The following FAM135B variants were observed in gnomAD, a reference collection of about 807,000 sequenced individuals.
The protein encoded by FAM135B is protein FAM135B.
Under a neutral mutation model 127.7 loss-of-function variants are expected in FAM135B, and 43 were observed. That is an observed-to-expected ratio of 0.34 (90% CI 0.26 to 0.43). The LOEUF is 0.43. Among genes scored for constraint, FAM135B ranks in the 20% least tolerant of loss-of-function variants. The pLI is 1.00. For synonymous variants in FAM135B, 670 were observed against 665.1 expected, an observed-to-expected ratio of 1.01 and a Z score of -0.11; for missense variants, 1,558 against 1,725.6, an observed-to-expected ratio of 0.90 and a Z score of 1.72.
Position 138,242,287 on chromosome 8 carries a change from G to A in FAM135B, c.669+655C>T, listed in dbSNP as rs1820867310. On this transcript the variant is annotated intron_variant, in intron 7 of 19. Transcript: ENST00000395297. The surrounding 1 kb of genome is among the most constrained non-coding windows in gnomAD (Gnocchi z 9.6). Reference sequence around the variant, plus strand: ...AATACAGGCTGTTTATTTATGAGTAGGCCACTAATAAAAACATAGCATATA... The same window carrying A: ...AATACAGGCTGTTTATTTATGAGTAAGCCACTAATAAAAACATAGCATATA... 6.7e-6 allele frequency among the ~76,000 whole-genome samples: 1 copy of A among 149,288 alleles called. No individual in the cohort carries two copies. Among genetic ancestry groups the A allele is most frequent in the Admixed American group, 6.8e-5 (1 of 14,766 alleles).
At chr8:138,491,156 A>AAG (rs1815182520) in intron 1 of FAM135B, among the ~76,000 whole-genome samples, 1 of 146,988 alleles carries the variant, frequency 6.8e-6, no homozygotes, top group Admixed American at 6.7e-5. Context: ...AAAAAAAAAA[A>AAG]AAAGAAAGAA....
intron 9 of FAM135B, among the ~76,000 whole-genome samples, chr8:138,193,309 T>G (rs1164250116): frequency 6.6e-6 from 1 of 152,206 alleles, no homozygotes; most frequent in Non-Finnish European, 1.5e-5. Flanking sequence ...AGGCTGAGAA[T>G]CCCTGCTGAT....
intron 1 of FAM135B, among the ~76,000 whole-genome samples, chr8:138,379,008 T>C (rs1831667239): frequency 6.6e-6 from 1 of 152,204 alleles, no homozygotes; most frequent in African/African-American, 2.4e-5. Flanking sequence ...GCCTTTTCCC[T>C]TTCTGCCAGT....
intron 3 of FAM135B, among the ~76,000 whole-genome samples, chr8:138,309,560 T>C (rs1202958175): frequency 6.6e-6 from 1 of 152,214 alleles, no homozygotes; most frequent in Non-Finnish European, 1.5e-5. Context: ...TTCTATCATG[T>C]GGCCTGGGGA....
chr8:138,178,795 T>C (rs1814727802), intron 9 of FAM135B, 105 bp from the exon 10 acceptor site: 1 of 855,122 alleles, frequency 1.2e-6, no homozygotes, highest in African/African-American at 1.7e-5. Context: ...AATAAAGCAC[T>C]CTCCTTTCTC....
chr8:138,364,411 C>T (rs978388991), intron 2 of FAM135B, among the ~76,000 whole-genome samples: 1 of 152,172 alleles, frequency 6.6e-6, no homozygotes, highest in African/African-American at 2.4e-5. Flanking sequence ...AAACAGTGTG[C>T]ATCCACCTGA....
chr8:138,336,380 AG>A (rs1232835658), intron 2 of FAM135B, among the ~76,000 whole-genome samples: 1 of 152,216 alleles, frequency 6.6e-6, no homozygotes, highest in Non-Finnish European at 1.5e-5. Flanking sequence ...AAAGAAGAAA[AG>A]AAAGAAGAAT....
intron 12 of FAM135B, among the ~76,000 whole-genome samples, chr8:138,162,016 G>A (rs7831221): frequency 0.32 from 49,185 of 151,952 alleles, 8,090 homozygotes; most frequent in Middle Eastern, 0.41. Flanking sequence ...GCTCATTATT[G>A]TTTGCATTGG....
At chr8:138,222,690 T>G (rs1434523589) in intron 7 of FAM135B, among the ~76,000 whole-genome samples, 15 of 150,354 alleles carry the variant, frequency 1.0e-4, no homozygotes, top group African/African-American at 2.2e-4. Flanking sequence ...TTTTTTTTTT[T>G]TTTTTTTTTT....
chr8:138,177,478 T>C (rs1322971252), intron 10 of FAM135B, 58 bp from the exon 11 acceptor site: 1 of 1,431,528 alleles, frequency 7.0e-7, no homozygotes, highest in Non-Finnish European at 9.6e-7. Context: ...ACCTGCACTT[T>C]CTTTTTTTTT....
intron 4 of FAM135B, among the ~76,000 whole-genome samples, chr8:138,258,076 C>G (rs992126607): frequency 6.6e-6 from 1 of 152,108 alleles, no homozygotes; most frequent in African/African-American, 2.4e-5. Flanking sequence ...TGTGTAGTGT[C>G]CCCAGTAATC....
chr8:138,478,829 C>G (rs1814638961), intron 1 of FAM135B, among the ~76,000 whole-genome samples: 1 of 152,192 alleles, frequency 6.6e-6, no homozygotes, highest in Non-Finnish European at 1.5e-5. Flanking sequence ...GATAAAACAT[C>G]TCTGCCGGCA....
In FAM135B at chr8:138,177,385, C is replaced by T. The variant is rs748597187; in HGVS notation, c.1065G>A (p.Glu355=). ...ATGTCAGGACTGCAAGTTTTTGGTG[C>T]TCCATGTAAAAGAAGGCCTCAGAAA... ...RRFSEAFFYM[E]HQKLAVLTFQ... is the part of the protein sequence containing the mutation. The change falls in exon 11 of 20, where the codon GAG becomes GAA. Residue 355 remains glutamate (E), a synonymous_variant. Transcript: ENST00000395297. The T allele has an allele frequency of 2.5e-6, 4 of 1,613,450 alleles. No individual in the cohort carries two copies. The highest frequency in any genetic ancestry group is 3.4e-6 in the Non-Finnish European group (4 of 1,179,632).
intron 1 of FAM135B, among the ~76,000 whole-genome samples, chr8:138,483,636 C>T (rs899339381): frequency 6.6e-6 from 1 of 152,012 alleles, no homozygotes; most frequent in African/African-American, 2.4e-5. Context: ...AATAGATGTA[C>T]CAGCTCCCTC....
At chr8:138,349,603 C>A (rs116331011) in intron 2 of FAM135B, among the ~76,000 whole-genome samples, 1 of 151,996 alleles carries the variant, frequency 6.6e-6, no homozygotes, top group East Asian at 1.9e-4. Flanking sequence ...CGGCTGGCCA[C>A]AAATGACATA....
intron 1 of FAM135B, among the ~76,000 whole-genome samples, chr8:138,482,483 T>A (rs986804855): frequency 2.0e-5 from 3 of 152,146 alleles, no homozygotes; most frequent in Non-Finnish European, 4.4e-5. Flanking sequence ...GTTGTTACCA[T>A]CTTGATATTA....
intron 12 of FAM135B, among the ~76,000 whole-genome samples, chr8:138,165,077 G>T (rs1184398154): frequency 2.0e-5 from 3 of 152,084 alleles, no homozygotes; most frequent in Non-Finnish European, 4.4e-5. Context: ...GATATTGCAG[G>T]ATGGAGGCGC....
At chr8:138,326,257 C>T (rs892161771) in intron 2 of FAM135B, among the ~76,000 whole-genome samples, 1 of 152,146 alleles carries the variant, frequency 6.6e-6, no homozygotes, top group East Asian at 1.9e-4. Context: ...TGCTGCTGGT[C>T]TGTCATCCAG....
intron 1 of FAM135B, among the ~76,000 whole-genome samples, chr8:138,430,802 GAATAT>G (rs1008677193): frequency 1.1e-4 from 17 of 152,114 alleles, no homozygotes; most frequent in African/African-American, 4.1e-4. Flanking sequence ...AAATCTACCA[GAATAT>G]AATAATTACG....
Sources: gnomAD v4.1 joint callset for allele counts (sites outside exome capture counted in the v4.1 genomes callset) on GRCh38, gnomAD v4.1.1 for gene constraint, Gnocchi (gnomAD v3.1) non-coding constraint, MANE v1.5 for transcripts, NCBI Gene and HGNC (gene_info 2026-07-23, HGNC 2026-07-21) for gene names.